ASIC2: variants seen among roughly 807,000 people sequenced by gnomAD.
The protein encoded by ASIC2 is acid-sensing ion channel 2.
ASIC2 carries 25 observed loss-of-function variants against 57.3 expected under a neutral mutation model. The observed-to-expected ratio is 0.44, with a 90% CI of 0.32 to 0.61. ASIC2 has a LOEUF of 0.61. ASIC2 is among the 20% of genes least tolerant of loss of function. ASIC2 has a pLI of 0.06. For missense variants in ASIC2, 641 were observed against 738.1 expected (o/e 0.87, Z 1.52); for synonymous variants, 319 against 307.5 (o/e 1.04, Z -0.39).
At chr17:33,778,033 G>A (rs73984611) in intron 1 of ASIC2, among the ~76,000 whole-genome samples, 1 of 151,984 alleles carries the variant, frequency 6.6e-6, no homozygotes, top group Non-Finnish European at 1.5e-5. Flanking sequence ...TGGGCCTTCC[G>A]CTGGGAAATA....
At chr17:33,599,670 C>A (rs536571892) in intron 1 of ASIC2, among the ~76,000 whole-genome samples, 34 of 152,278 alleles carry the variant, frequency 2.2e-4, no homozygotes, top group Non-Finnish European at 3.7e-4. Flanking sequence ...GCTCCAAACC[C>A]AGGATACTCT....
intron 1 of ASIC2, among the ~76,000 whole-genome samples, chr17:33,521,257 G>T (rs1914734137): frequency 6.6e-6 from 1 of 152,102 alleles, no homozygotes; most frequent in Admixed American, 6.6e-5. Context: ...CGGCCAAGGG[G>T]TATCTTTTGA....
intron 1 of ASIC2, among the ~76,000 whole-genome samples, chr17:33,662,667 A>ATAAG (rs1043772158): frequency 1.8e-5 from 2 of 110,796 alleles, no homozygotes; most frequent in African/African-American, 3.8e-5. Context: ...AAATAAATAA[A>ATAAG]TAAGTAAAAT....
chr17:33,873,317 C>T (rs1214304711), intron 1 of ASIC2, among the ~76,000 whole-genome samples: 1 of 152,202 alleles, frequency 6.6e-6, no homozygotes, highest in Non-Finnish European at 1.5e-5. Flanking sequence ...AAACTGACTT[C>T]AGAGAGTGAT....
chr17:33,543,587 T>C (rs575177987), intron 1 of ASIC2, among the ~76,000 whole-genome samples: 1 of 152,322 alleles, frequency 6.6e-6, no homozygotes, highest in East Asian at 1.9e-4. Flanking sequence ...ACTGATTAAT[T>C]CATCAGTAAT....
intron 1 of ASIC2, among the ~76,000 whole-genome samples, chr17:33,934,271 T>C (rs1173243564): frequency 6.6e-6 from 1 of 152,220 alleles, no homozygotes; most frequent in Non-Finnish European, 1.5e-5. Flanking sequence ...GCCTTCTCCT[T>C]GCTCACCCAG....
At chr17:34,050,112 C>G (rs1908498704) in intron 1 of ASIC2, among the ~76,000 whole-genome samples, 2 of 152,146 alleles carry the variant, frequency 1.3e-5, no homozygotes, top group African/African-American at 4.8e-5. Flanking sequence ...AACTGAGCAC[C>G]ATTATCTTTC....
chr17:33,333,585 G>A (rs1278964949), intron 1 of ASIC2, among the ~76,000 whole-genome samples: 1 of 152,186 alleles, frequency 6.6e-6, no homozygotes, highest in Non-Finnish European at 1.5e-5. Flanking sequence ...GTATGGTGAT[G>A]AGCAATTTCT....
chr17:34,130,502 GGT>G (rs1220461180), intron 1 of ASIC2, among the ~76,000 whole-genome samples: 1 of 152,208 alleles, frequency 6.6e-6, no homozygotes, highest in East Asian at 1.9e-4. Context: ...CTATGTCCCA[GGT>G]GTTGTCTGGA....
chr17:33,428,240 G>A (rs1911285297), intron 1 of ASIC2, among the ~76,000 whole-genome samples: 1 of 152,072 alleles, frequency 6.6e-6, no homozygotes, highest in Admixed American at 6.5e-5. Context: ...ATGCTCCTGG[G>A]GAGCTTTAAA....
intron 1 of ASIC2, among the ~76,000 whole-genome samples, chr17:33,171,291 T>C (rs1263965245): frequency 6.6e-6 from 1 of 152,204 alleles, no homozygotes; most frequent in Non-Finnish European, 1.5e-5. Context: ...AGCCCAAACT[T>C]CTCAGAATTC....
intron 4 of ASIC2, among the ~76,000 whole-genome samples, chr17:33,027,669 T>C (rs957872299): frequency 3.3e-5 from 5 of 152,144 alleles, no homozygotes; most frequent in Admixed American, 6.5e-5. Flanking sequence ...GCCCCACTCA[T>C]GTGTCCTTGC....
chr17:34,049,936 G>A (rs1908491481), intron 1 of ASIC2, among the ~76,000 whole-genome samples: 1 of 152,146 alleles, frequency 6.6e-6, no homozygotes, highest in South Asian at 2.1e-4. Context: ...CCTCAACTGT[G>A]AGAGCAGAGT....
Position 33,613,748 on chromosome 17 carries a change from T to C in ASIC2, c.556-501681A>G, listed in dbSNP as rs550170796. ...TGTTCTACATTTTGCTTTTTGTCACTTAATAAGACAGCATCAAGGTCTTCC... is the reference window on the plus strand; with the variant it reads ...TGTTCTACATTTTGCTTTTTGTCACCTAATAAGACAGCATCAAGGTCTTCC... On this transcript the variant is annotated intron_variant, in intron 1 of 9. Coordinates refer to the ASIC2 transcript ENST00000359872. 2.6e-5 allele frequency among the ~76,000 whole-genome samples: 4 copies of C among 152,304 alleles called. No individual in the cohort carries two copies. In the East Asian group the frequency reaches 7.7e-4, roughly 29 times the overall value.
rs551508345 is a variant in ASIC2 at position 33,343,232 on chromosome 17, G to A, written c.556-231165C>T. 4.6e-5 allele frequency among the ~76,000 whole-genome samples: 7 copies of A among 152,274 alleles called. No homozygotes were observed. The East Asian group carries it at 1.4e-3, about 29-fold the overall frequency. On this transcript the variant is annotated intron_variant, in intron 1 of 9. Transcript: ENST00000359872. The stretch of plus-strand genomic sequence containing the variant: ...CAACCCACTTACACGTTCAGGGCTA[G>A]ACCAGGCTGACCTAAAAGGCTCTCC...
intron 1 of ASIC2, among the ~76,000 whole-genome samples, chr17:33,778,193 A>G (rs1195525140): frequency 2.0e-5 from 3 of 152,144 alleles, no homozygotes; most frequent in Non-Finnish European, 2.9e-5. Context: ...GGGAATTGAA[A>G]AGAGTTTGGA....
At chr17:33,419,219 G>T (rs76879347) in intron 1 of ASIC2, among the ~76,000 whole-genome samples, 4 of 152,204 alleles carry the variant, frequency 2.6e-5, no homozygotes, top group African/African-American at 9.7e-5. Context: ...CAGAGGGAGC[G>T]GCTAAGGTGA....
chr17:34,037,654 G>A (rs956515473), intron 1 of ASIC2: 2 of 1,612,898 alleles, frequency 1.2e-6, no homozygotes, highest in Non-Finnish European at 1.7e-6. Context: ...ACGCCCCAGA[G>A]GTTGATGCAA....
chr17:33,469,738 T>C (rs930845381), intron 1 of ASIC2, among the ~76,000 whole-genome samples: 1 of 152,216 alleles, frequency 6.6e-6, no homozygotes, highest in African/African-American at 2.4e-5. Flanking sequence ...GCTGATGTGA[T>C]ACCATATTAA....
Sources: gnomAD v4.1 joint callset for allele counts (sites outside exome capture counted in the v4.1 genomes callset) on GRCh38, gnomAD v4.1.1 for gene constraint, MANE v1.5 for transcripts, NCBI Gene and HGNC (gene_info 2026-07-23, HGNC 2026-07-21) for gene names.